Variants in MACROD2 observed in about 807,000 individuals in gnomAD.
MACROD2 encodes the protein mono-ADP ribosylhydrolase 2, also known as ADP-ribose glycohydrolase MACROD2.
In MACROD2, 36 loss-of-function variants were observed where a neutral mutation model predicts 70.4. The ratio of observed to expected loss-of-function variants is 0.51; its 90% CI spans 0.39 to 0.68. The LOEUF (loss-of-function observed/expected upper bound fraction) is 0.68. MACROD2 is among the 30% of genes least tolerant of loss of function. MACROD2 has a pLI of 0.00. For synonymous variants in MACROD2, 172 were observed against 178.8 expected, an observed-to-expected ratio of 0.96 and a Z score of 0.30; for missense variants, 496 against 538.4, an observed-to-expected ratio of 0.92 and a Z score of 0.78.
At chr20:15,896,550 T>TC (rs1555792109) in intron 10 of MACROD2, among the ~76,000 whole-genome samples, 6 of 151,566 alleles carry the variant, frequency 4.0e-5, no homozygotes, top group African/African-American at 4.9e-5. Flanking sequence ...TTTTTTTTTT[T>TC]CTAGAAAAAA....
intron 8 of MACROD2, among the ~76,000 whole-genome samples, chr20:15,538,740 T>G (rs2047911879): frequency 6.6e-6 from 1 of 152,228 alleles, no homozygotes; most frequent in African/African-American, 2.4e-5. Context: ...CAAAAACAAT[T>G]GATTTTTTTG....
chr20:15,310,748 A>T (rs1031670545), intron 6 of MACROD2, among the ~76,000 whole-genome samples: 1 of 152,110 alleles, frequency 6.6e-6, no homozygotes, highest in Non-Finnish European at 1.5e-5. Flanking sequence ...GGAAAGGTGA[A>T]ATCCAGTCAA....
intron 5 of MACROD2, among the ~76,000 whole-genome samples, chr20:14,999,654 G>A (rs546486712): frequency 1.2e-4 from 19 of 152,220 alleles, no homozygotes; most frequent in African/African-American, 4.3e-4. Context: ...AAGAGGAAAA[G>A]ATATACATAG....
chr20:14,204,114 G>C (rs116982173), intron 3 of MACROD2, among the ~76,000 whole-genome samples: 1 of 152,170 alleles, frequency 6.6e-6, no homozygotes, highest in East Asian at 1.9e-4. Context: ...CTTCCTGAAG[G>C]TGCATGGCAG....
chr20:14,494,786 G>T (rs1233421872), intron 4 of MACROD2, among the ~76,000 whole-genome samples: 2 of 152,092 alleles, frequency 1.3e-5, no homozygotes, highest in East Asian at 3.9e-4. Context: ...ATGTTTCATT[G>T]CACTTGTTAT....
At chr20:14,439,595 T>G (rs1184780478) in intron 3 of MACROD2, among the ~76,000 whole-genome samples, 1 of 152,150 alleles carries the variant, frequency 6.6e-6, no homozygotes, top group Non-Finnish European at 1.5e-5. Context: ...CTTCCAGAAC[T>G]TGAATATGGG....
chr20:14,413,699 A>G (rs1461720467), intron 3 of MACROD2, among the ~76,000 whole-genome samples: 2 of 152,222 alleles, frequency 1.3e-5, no homozygotes, highest in Non-Finnish European at 2.9e-5. Context: ...CTACTTGAGA[A>G]ATCAATATGG....
intron 4 of MACROD2, among the ~76,000 whole-genome samples, chr20:14,642,058 A>G (rs561973380): frequency 2.6e-4 from 40 of 152,208 alleles, no homozygotes; most frequent in Non-Finnish European, 4.3e-4. Flanking sequence ...GTTAGCGTAG[A>G]CACTTTTATT....
chr20:15,694,190 C>G (rs531664871), intron 8 of MACROD2, among the ~76,000 whole-genome samples: 1 of 152,152 alleles, frequency 6.6e-6, no homozygotes, highest in South Asian at 2.1e-4. Flanking sequence ...GTGCAAGTAT[C>G]TTTTTCAAAT....
At chr20:14,535,102 A>C (rs2085348300) in intron 4 of MACROD2, among the ~76,000 whole-genome samples, 1 of 152,234 alleles carries the variant, frequency 6.6e-6, no homozygotes, top group Non-Finnish European at 1.5e-5. Flanking sequence ...TATGCAGAAA[A>C]TGAATGATTT....
chr20:15,449,471 A>C (rs762210962), intron 7 of MACROD2, among the ~76,000 whole-genome samples: 1 of 152,162 alleles, frequency 6.6e-6, no homozygotes, highest in Non-Finnish European at 1.5e-5. Context: ...CAAATGGTAA[A>C]AATCTCTTCC....
chr20:15,634,300 T>C (rs2049333243), intron 8 of MACROD2, among the ~76,000 whole-genome samples: 1 of 152,206 alleles, frequency 6.6e-6, no homozygotes, highest in South Asian at 2.1e-4. Flanking sequence ...ATGCTTATTA[T>C]AAAGAACAGA....
intron 9 of MACROD2, among the ~76,000 whole-genome samples, chr20:15,869,794 G>T (rs971686540): frequency 1.3e-5 from 2 of 151,842 alleles, no homozygotes. Flanking sequence ...ATTATATCTC[G>T]GGAACTTCTT....
chr20:15,523,554 G>A (rs2047680517), intron 8 of MACROD2, among the ~76,000 whole-genome samples: 1 of 152,008 alleles, frequency 6.6e-6, no homozygotes, highest in African/African-American at 2.4e-5. Context: ...CACACACATG[G>A]TATGTGTGTC....
intron 8 of MACROD2, among the ~76,000 whole-genome samples, chr20:15,539,553 G>A (rs1042573097): frequency 4.6e-5 from 7 of 152,308 alleles, no homozygotes; most frequent in African/African-American, 1.4e-4. Flanking sequence ...TTAAAGTAAG[G>A]TTTGAGTGGA....
intron 4 of MACROD2, among the ~76,000 whole-genome samples, chr20:14,557,899 T>C (rs542727122): frequency 1.3e-5 from 2 of 151,846 alleles, no homozygotes; most frequent in East Asian, 3.9e-4. Flanking sequence ...ATTAAAAAAA[T>C]TTACATAAAA....
At chr20:15,131,794 G>C (rs1028513775) in intron 5 of MACROD2, among the ~76,000 whole-genome samples, 1 of 152,028 alleles carries the variant, frequency 6.6e-6, no homozygotes, top group African/African-American at 2.4e-5. Flanking sequence ...CCATGTAGAA[G>C]CTTAAAAACA....
chr20:15,264,092 C>G (rs764857116), intron 6 of MACROD2, among the ~76,000 whole-genome samples: 36 of 152,072 alleles, frequency 2.4e-4, no homozygotes, highest in Non-Finnish European at 3.8e-4. Context: ...TGTGCTCATC[C>G]TTTGCACAAT....
chr20:14,268,029 A>G (rs1023808656), intron 3 of MACROD2, among the ~76,000 whole-genome samples: 1 of 152,132 alleles, frequency 6.6e-6, no homozygotes, highest in Non-Finnish European at 1.5e-5. Flanking sequence ...TCTTATTATA[A>G]ATAATTCAAA....
Sources: gnomAD v4.1 joint callset for allele counts (sites outside exome capture counted in the v4.1 genomes callset) on GRCh38, gnomAD v4.1.1 for gene constraint, MANE v1.5 for transcripts, NCBI Gene and HGNC (gene_info 2026-07-23, HGNC 2026-07-21) for gene names.